Variants in POFUT1 observed in about 807,000 individuals in gnomAD.
POFUT1 encodes the protein protein O-fucosyltransferase 1, also known as GDP-fucose protein O-fucosyltransferase 1.
Under a neutral mutation model 42.4 loss-of-function variants are expected in POFUT1, and 16 were observed. The observed-to-expected ratio is 0.38, with a 90% CI of 0.26 to 0.57. The LOEUF (loss-of-function observed/expected upper bound fraction) is 0.57. POFUT1 is among the 20% of genes least tolerant of loss of function. POFUT1 has a pLI of 0.71. For missense variants in POFUT1, 470 were observed against 504.6 expected (o/e 0.93, Z 0.66); for synonymous variants, 206 against 205.4 (o/e 1.00, Z -0.03).
At chr20:32,214,373 C>T (rs2047347572) in intron 2 of POFUT1, among the ~76,000 whole-genome samples, 1 of 152,092 alleles carries the variant, frequency 6.6e-6, no homozygotes. Context: ...GATCCTTCTA[C>T]CTCGGCCTCC....
intron 4 of POFUT1, chr20:32,217,243 G>C (rs1256917115): frequency 7.9e-6 from 11 of 1,399,380 alleles, no homozygotes; most frequent in Non-Finnish European, 1.0e-5. Context: ...AGTAATCAGA[G>C]GCCAATGGTG....
At position 32,216,925 on chromosome 20, in the gene POFUT1, A is replaced by T. The variant is rs1011334186; in HGVS notation, c.542+204A>T. ...CGGTGGAACATTGACCCGCCATGAG[A>T]TTGAGAAAGAGTTCATCGGTTGATA... On this transcript the variant is annotated intron_variant, in intron 4 of 6. Coordinates refer to ENST00000375749, the MANE Select transcript of POFUT1 (RefSeq NM_015352.2). 17 of 1,587,668 alleles carry T rather than the reference A, an allele frequency of 1.1e-5. No individual in the cohort carries two copies. The Admixed American group carries it at 3.0e-4, about 28-fold the overall frequency.
At chr20:32,228,217 GCT>G (rs1189721735) in intron 4 of POFUT1, 44 bp from the exon 5 acceptor site, 1 of 1,533,430 alleles carries the variant, frequency 6.5e-7, no homozygotes, top group African/African-American at 1.4e-5. Context: ...TGGCAGCCAG[GCT>G]CTCTGTGCGT....
At position 32,238,079 on chromosome 20, in the gene POFUT1, A is replaced by G. The variant is rs185923617; in HGVS notation, c.*3418A>G. ...AAAAAATTCTGTCGAGGAGTGTTCCATAGTTTATTGTTTTCCTATTATGAG... is the reference window on the plus strand; with the variant it reads ...AAAAAATTCTGTCGAGGAGTGTTCCGTAGTTTATTGTTTTCCTATTATGAG... On this transcript the variant is annotated 3_prime_UTR_variant, in exon 7 of 7. Transcript: ENST00000375749. 630 of 321,592 alleles carry G rather than the reference A, an allele frequency of 2.0e-3. 3 individuals carry two copies. Among genetic ancestry groups the G allele is most frequent in the African/African-American group, 0.012 (575 of 46,456 alleles). The allele number at this position is 321,592 out of a possible 1,614,324, so 19.9% of individuals were successfully genotyped here.
chr20:32,223,623 C>G (rs756979632), intron 4 of POFUT1: 82 of 985,274 alleles, frequency 8.3e-5, no homozygotes, highest in Non-Finnish European at 9.6e-5. Context: ...AAGACCTGGC[C>G]TATAGTAGCT....
Position 32,222,667 on chromosome 20 carries a change from G to A in POFUT1, c.543-5596G>A, listed in dbSNP as rs533235797. On this transcript the variant is annotated intron_variant, in intron 4 of 6. Transcript: ENST00000375749. Reference sequence around the variant, plus strand: ...TATCCAGCTGAAAACTGGGTTCGAGGGAAAGAGGATAAGAGGTATTTCTTC... The same window carrying A: ...TATCCAGCTGAAAACTGGGTTCGAGAGAAAGAGGATAAGAGGTATTTCTTC... 51 of 985,410 alleles carry A rather than the reference G, an allele frequency of 5.2e-5. No homozygotes were observed. The South Asian group carries it at 2.3e-3, about 45-fold the overall frequency. 61.0% of individuals were successfully genotyped at this position (985,410 alleles called of 1,614,324 possible). A position where few individuals can be genotyped will look rare whatever the true frequency, so the allele number is the denominator to read the frequency against.
Position 32,236,316 on chromosome 20 carries a change from C to A in POFUT1, c.*1655C>A, listed in dbSNP as rs1278042193. On this transcript the variant is annotated 3_prime_UTR_variant, in exon 7 of 7. Transcript: ENST00000375749. ...TTACACTAGGCACACACTTTAGAGT[C>A]TGGGGCTCCAGTGGGGCCCGCCTAA... 1.3e-5 allele frequency: 2 copies of A among 152,280 alleles called. No homozygotes were observed. The highest frequency in any genetic ancestry group is 4.8e-5 in the African/African-American group (2 of 41,460). The allele number at this position is 152,280 out of a possible 1,614,324, so 9.4% of individuals were successfully genotyped here. A position where few individuals can be genotyped will look rare whatever the true frequency, so the allele number is the denominator to read the frequency against.
Position 32,207,909 on chromosome 20 carries a change from T to TGC in POFUT1, c.-30_-29dup. 1 of 1,562,776 alleles carries TGC rather than the reference T, an allele frequency of 6.4e-7. No individual in the cohort carries two copies. Among genetic ancestry groups the TGC allele is most frequent in the East Asian group, 2.4e-5 (1 of 42,412 alleles). ...GCGTCCCTCCTTCCCTCCCCGACTG[T>TGC]GCGCCGCGGCTGGCTCGGGTTCCCG... On this transcript the variant is annotated 5_prime_UTR_variant, in exon 1 of 7. Coordinates refer to ENST00000375749, the MANE Select transcript of POFUT1 (RefSeq NM_015352.2).
chr20:32,219,367 C>G (rs999765757), intron 4 of POFUT1, among the ~76,000 whole-genome samples: 4 of 152,146 alleles, frequency 2.6e-5, no homozygotes, highest in African/African-American at 9.6e-5. Flanking sequence ...GAGCAAAGAC[C>G]CTGAGGCAGG....
At chr20:32,229,081 C>CT (rs2047429337) in intron 5 of POFUT1, among the ~76,000 whole-genome samples, 1 of 152,224 alleles carries the variant, frequency 6.6e-6, no homozygotes, top group African/African-American at 2.4e-5. Context: ...AAACTCTCCT[C>CT]TTTCCCCCAG....
rs757192494 is a variant in POFUT1 at position 32,210,110 on chromosome 20, T to A, written c.164T>A (p.Leu55Gln). ...GNQADHFLGS[L>Q]AFAKLLNRTL... ...CAGGCCGATCACTTCTTGGGCTCTC[T>A]GGCATTTGCAAAGCTGCTAAACCGT... Residue 55 changes from leucine (L) to glutamine (Q), a missense_variant, in exon 2 of 7, where the codon CTG becomes CAG. Physicochemically the swap from Leu to Gln is moderately radical, Grantham distance 113 (BLOSUM62 -2). Transcript: ENST00000375749. The A allele has an allele frequency of 6.2e-7, 1 of 1,614,206 alleles. No individual in the cohort carries two copies. Among genetic ancestry groups the A allele is most frequent in the Non-Finnish European group, 8.5e-7 (1 of 1,180,018 alleles).
chr20:32,209,800 C>T (rs2047317103), intron 1 of POFUT1, among the ~76,000 whole-genome samples: 1 of 152,170 alleles, frequency 6.6e-6, no homozygotes, highest in South Asian at 2.1e-4. Context: ...TGAGGGACAG[C>T]AAGATCAGAG....
Position 32,234,596 on chromosome 20 carries a change from C to G in POFUT1, c.1102C>G (p.Leu368Val). 6.2e-7 allele frequency: 1 copy of G among 1,614,166 alleles called. No homozygotes were observed. Among genetic ancestry groups the G allele is most frequent in the South Asian group, 1.1e-5 (1 of 91,092 alleles). ...FTAFVKRERD[L>V]QGRPSSFFGM... is the part of the protein sequence containing the mutation. ...TGCCTTTGTGAAGCGGGAGCGGGAC[C>G]TCCAGGGGAGGCCGTCTTCTTTCTT... The change falls in exon 7 of 7, where the codon CTC becomes GTC. Residue 368 changes from leucine (L) to valine (V), a missense_variant. Transcript: ENST00000375749.
chr20:32,229,544 A>C (rs1393265185), intron 5 of POFUT1, among the ~76,000 whole-genome samples: 2 of 152,206 alleles, frequency 1.3e-5, no homozygotes, highest in Admixed American at 6.5e-5. Context: ...GATAAAGGCT[A>C]TCTCTCGAAA....
intron 1 of POFUT1, among the ~76,000 whole-genome samples, chr20:32,208,529 T>C (rs572016595): frequency 6.0e-5 from 9 of 150,720 alleles, no homozygotes; most frequent in African/African-American, 2.2e-4. Flanking sequence ...CAATTGAGAA[T>C]AAGTAGGCCA....
At chr20:32,233,538 G>T (rs2047453837) in intron 6 of POFUT1, among the ~76,000 whole-genome samples, 1 of 152,200 alleles carries the variant, frequency 6.6e-6, no homozygotes, top group Non-Finnish European at 1.5e-5. Context: ...CACTTGGAGG[G>T]CGGGAAGGAC....
chr20:32,222,262 C>A (rs1398698912), intron 4 of POFUT1, among the ~76,000 whole-genome samples: 1 of 152,148 alleles, frequency 6.6e-6, no homozygotes, highest in Non-Finnish European at 1.5e-5. Context: ...GAGATCCTGC[C>A]ACTGCACTCT....
intron 4 of POFUT1, among the ~76,000 whole-genome samples, chr20:32,218,556 G>A (rs2122576952): frequency 6.6e-6 from 1 of 152,294 alleles, no homozygotes; most frequent in Admixed American, 6.5e-5. Flanking sequence ...TGCCACTGAG[G>A]ATCCTCAGTC....
At chr20:32,221,032 A>C (rs2047388582) in intron 4 of POFUT1, among the ~76,000 whole-genome samples, 1 of 152,156 alleles carries the variant, frequency 6.6e-6, no homozygotes, top group Non-Finnish European at 1.5e-5. Context: ...GAGGAGGCAG[A>C]GCCCACCTAA....
Sources: gnomAD v4.1 joint callset for allele counts (sites outside exome capture counted in the v4.1 genomes callset) on GRCh38, gnomAD v4.1.1 for gene constraint, MANE v1.5 for transcripts, NCBI Gene and HGNC (gene_info 2026-07-23, HGNC 2026-07-21) for gene names.